The following RIMS2 variants were observed in gnomAD, a reference collection of about 807,000 sequenced individuals.
RIMS2 encodes regulating synaptic membrane exocytosis 2, also known as regulating synaptic membrane exocytosis protein 2.
RIMS2 carries 59 observed loss-of-function variants against 174.4 expected under a neutral mutation model. The observed-to-expected ratio is 0.34, with a 90% CI of 0.27 to 0.42. RIMS2 has a LOEUF of 0.42. Ranked by LOEUF, RIMS2 falls within the 10% of genes least tolerant of loss-of-function variation. RIMS2 has a pLI of 1.00. For missense variants in RIMS2, 1,620 were observed against 1,666.3 expected, an observed-to-expected ratio of 0.97 and a Z score of 0.48; for synonymous variants, 606 against 572.5, an observed-to-expected ratio of 1.06 and a Z score of -0.84.
chr8:103,972,521 C>T (rs1178360279), intron 15 of RIMS2, among the ~76,000 whole-genome samples: 1 of 152,164 alleles, frequency 6.6e-6, no homozygotes, highest in Non-Finnish European at 1.5e-5. Flanking sequence ...AGATTAAATG[C>T]CACAATGTTT....
chr8:104,067,043 A>T (rs11985736), intron 19 of RIMS2, among the ~76,000 whole-genome samples: 1 of 151,924 alleles, frequency 6.6e-6, no homozygotes, highest in Non-Finnish European at 1.5e-5. Context: ...ATTGGCTCAG[A>T]AGGGGATACC....
intron 2 of RIMS2, among the ~76,000 whole-genome samples, chr8:103,709,293 T>C (rs2137858754): frequency 6.6e-6 from 1 of 152,064 alleles, no homozygotes; most frequent in South Asian, 2.1e-4. Context: ...CTAACCCCCC[T>C]TGAGTCTGGG....
intron 1 of RIMS2, among the ~76,000 whole-genome samples, chr8:103,680,596 T>C (rs2096868070): frequency 6.6e-6 from 1 of 152,002 alleles, no homozygotes; most frequent in Admixed American, 6.6e-5. Flanking sequence ...ATTAACAGAC[T>C]GAGAGAAGAA....
At chr8:103,933,576 A>G (rs2080519290) in intron 12 of RIMS2, among the ~76,000 whole-genome samples, 1 of 152,300 alleles carries the variant, frequency 6.6e-6, no homozygotes, top group East Asian at 1.9e-4. Flanking sequence ...TCTTTTGTCA[A>G]CACCAAGGAA....
chr8:103,540,472 C>G (rs144967383), intron 1 of RIMS2, among the ~76,000 whole-genome samples: 3 of 152,330 alleles, frequency 2.0e-5, no homozygotes, highest in Non-Finnish European at 4.4e-5. Context: ...AACATCTGTA[C>G]TCCACTCATG....
rs2097703707 is a variant in RIMS2 at position 104,093,737 on chromosome 8, T to C, written c.3334+79122T>C. On this transcript the variant is annotated intron_variant, in intron 19 of 23. Coordinates refer to ENST00000504942, the Ensembl canonical transcript of RIMS2. ...ATAAAATTATTTATTTCTAACAGGT[T>C]AATATATATTTTAAAGCCAGGGGAG... 7 of 958,442 alleles carry C rather than the reference T, an allele frequency of 7.3e-6. No individual in the cohort carries two copies. In the East Asian group the frequency reaches 1.9e-4, roughly 26 times the overall value. 59.4% of individuals were successfully genotyped at this position (958,442 alleles called of 1,614,324 possible). A position where few individuals can be genotyped will look rare whatever the true frequency, so the allele number is the denominator to read the frequency against.
chr8:104,168,688 A>G (rs2098812376), intron 19 of RIMS2, among the ~76,000 whole-genome samples: 1 of 152,118 alleles, frequency 6.6e-6, no homozygotes, highest in Non-Finnish European at 1.5e-5. Flanking sequence ...ACTATGTTGA[A>G]TAGAAGTGGT....
intron 3 of RIMS2, among the ~76,000 whole-genome samples, chr8:103,829,379 A>G (rs2098811843): frequency 6.6e-6 from 1 of 152,188 alleles, no homozygotes; most frequent in Non-Finnish European, 1.5e-5. Flanking sequence ...TACCCAAAGG[A>G]ATATAATTGT....
At chr8:103,558,054 T>G (rs532432311) in intron 1 of RIMS2, among the ~76,000 whole-genome samples, 41 of 152,292 alleles carry the variant, frequency 2.7e-4, no homozygotes, top group African/African-American at 9.6e-4. Flanking sequence ...TAAAGTACCT[T>G]TATTTTTTAT....
chr8:104,245,118 C>T, intron 20 of RIMS2, 61 bp downstream of exon 26: 2 of 1,520,082 alleles, frequency 1.3e-6, no homozygotes, highest in Non-Finnish European at 1.8e-6. Flanking sequence ...ACTCTATGTG[C>T]TTTCACAGAG....
intron 1 of RIMS2, among the ~76,000 whole-genome samples, chr8:103,631,223 G>A (rs577541830): frequency 2.6e-5 from 4 of 152,074 alleles, no homozygotes; most frequent in South Asian, 4.2e-4. Context: ...GTATTGCCTC[G>A]GTTTTCTTCC....
exon 1 of RIMS2, chr8:103,500,754 G>C: frequency 1.8e-6 from 1 of 556,080 alleles, no homozygotes. Context: ...GGGGGCTGTC[G>C]CCTTGGATTG....
intron 3 of RIMS2, among the ~76,000 whole-genome samples, chr8:103,876,398 CTT>C (rs962343981): frequency 6.6e-5 from 10 of 151,576 alleles, no homozygotes; most frequent in African/African-American, 2.4e-4. Flanking sequence ...TAAATCCAAA[CTT>C]ATATTTTAAA....
chr8:104,059,988 A>G (rs1314792512), intron 19 of RIMS2, among the ~76,000 whole-genome samples: 1 of 151,578 alleles, frequency 6.6e-6, no homozygotes, highest in Non-Finnish European at 1.5e-5. Flanking sequence ...TTTATTGAGG[A>G]TTTTTGCATC....
At chr8:104,030,565 C>T (rs942198099) in intron 19 of RIMS2, among the ~76,000 whole-genome samples, 14 of 152,084 alleles carry the variant, frequency 9.2e-5, no homozygotes, top group Admixed American at 6.6e-5. Context: ...TTATCTATTA[C>T]TTTTTTCTTT....
intron 19 of RIMS2, among the ~76,000 whole-genome samples, chr8:104,077,705 ATGAG>A (rs2097325304): frequency 7.1e-6 from 1 of 141,264 alleles, no homozygotes; most frequent in African/African-American, 2.6e-5. Flanking sequence ...GCTTTAGGGT[ATGAG>A]TAAGTGTATG....
chr8:103,944,521 T>C (rs1321092276), intron 14 of RIMS2, among the ~76,000 whole-genome samples: 1 of 152,068 alleles, frequency 6.6e-6, no homozygotes, highest in Non-Finnish European at 1.5e-5. Flanking sequence ...TTGAGGACTC[T>C]GAATACCTGA....
intron 3 of RIMS2, among the ~76,000 whole-genome samples, chr8:103,813,827 G>A (rs1002211277): frequency 2.0e-5 from 3 of 152,068 alleles, no homozygotes; most frequent in East Asian, 1.9e-4. Flanking sequence ...GTTGGTTCCA[G>A]GTCTTTGCTA....
chr8:104,007,946 T>C (rs2095641834), intron 17 of RIMS2, among the ~76,000 whole-genome samples: 1 of 152,132 alleles, frequency 6.6e-6, no homozygotes, highest in African/African-American at 2.4e-5. Flanking sequence ...ATTTGTATTA[T>C]ACCCATTTCT....
Sources: allele counts gnomAD v4.1 joint callset (sites outside exome capture counted in the v4.1 genomes callset), GRCh38; gene constraint gnomAD v4.1.1; transcripts MANE v1.5; gene names NCBI Gene and HGNC (gene_info 2026-07-23, HGNC 2026-07-21).